The following CLASP1 variants were observed in gnomAD, a reference collection of about 807,000 sequenced individuals.
The protein encoded by CLASP1 is cytoplasmic linker associated protein 1, also known as CLIP-associating protein 1.
CLASP1 carries 38 observed loss-of-function variants against 192.3 expected under a neutral mutation model. The observed-to-expected ratio is 0.20, with a 90% CI of 0.15 to 0.26. CLASP1 has a LOEUF of 0.26. Ranked by LOEUF, CLASP1 falls within the 10% of genes least tolerant of loss-of-function variation. CLASP1 has a pLI of 1.00. For synonymous variants in CLASP1, 691 were observed against 712.8 expected (o/e 0.97, Z 0.49); for missense variants, 1,433 against 1,932.5 (o/e 0.74, Z 4.85).
At chr2:121,522,697 T>C (rs1559508001) in intron 6 of CLASP1, among the ~76,000 whole-genome samples, 1 of 152,226 alleles carries the variant, frequency 6.6e-6, no homozygotes, top group Non-Finnish European at 1.5e-5. Flanking sequence ...ACCTGATTTT[T>C]GGTAGTGAAA....
chr2:121,356,237 G>T (rs2065360110), intron 37 of CLASP1, among the ~76,000 whole-genome samples: 1 of 152,192 alleles, frequency 6.6e-6, no homozygotes, highest in South Asian at 2.1e-4. Context: ...TCGTGTGGAA[G>T]CTAAGGAAGA....
At chr2:121,346,632 A>T (rs577937319) in intron 39 of CLASP1, among the ~76,000 whole-genome samples, 3 of 152,238 alleles carry the variant, frequency 2.0e-5, no homozygotes, top group African/African-American at 7.2e-5. Context: ...GCTGCCCTGT[A>T]GGCTCAAGGT....
Position 121,477,200 on chromosome 2 carries a change from C to A in CLASP1, c.713-7240G>T, listed in dbSNP as rs571631286. Reference sequence around the variant, plus strand: ...TCTAGAACAGAGTCTGGGCCAACACCCAGTAGACATTCAGAAAAATTTAAT... The same window carrying A: ...TCTAGAACAGAGTCTGGGCCAACACACAGTAGACATTCAGAAAAATTTAAT... On this transcript the variant is annotated intron_variant, in intron 8 of 39. Coordinates refer to ENST00000263710, the Ensembl canonical transcript of CLASP1. Among the ~76,000 whole-genome samples the A allele has an allele frequency of 8.5e-5, 13 of 152,256 alleles. No homozygotes were observed. In the East Asian group the frequency reaches 2.5e-3, roughly 29 times the overall value.
intron 8 of CLASP1, among the ~76,000 whole-genome samples, chr2:121,478,741 C>CCCACACACA (rs2092055426): frequency 3.9e-5 from 2 of 51,366 alleles, no homozygotes; most frequent in South Asian, 6.2e-4. Flanking sequence ...ACACACACAC[C>CCCACACACA]CCACACACAC....
At position 121,600,089 on chromosome 2, in the gene CLASP1, A is replaced by G. The variant is rs560804792; in HGVS notation, c.195+5612T>C. On this transcript the variant is annotated intron_variant, in intron 2 of 39. Transcript: ENST00000263710. Reference sequence around the variant, plus strand: ...AAAAATCTTGACTTATAATTAAGAAAAAAAGGGAAGCAGGATCTAAAAGGT... The same window carrying G: ...AAAAATCTTGACTTATAATTAAGAAGAAAAGGGAAGCAGGATCTAAAAGGT... 2.0e-3 allele frequency among the ~76,000 whole-genome samples: 312 copies of G among 152,306 alleles called. 1 individual carries two copies. Among genetic ancestry groups the G allele is most frequent in the African/African-American group, 6.0e-3 (249 of 41,562 alleles).
intron 19 of CLASP1, among the ~76,000 whole-genome samples, chr2:121,437,739 G>T (rs570948131): frequency 6.6e-6 from 1 of 152,254 alleles, no homozygotes; most frequent in South Asian, 2.1e-4. Context: ...TCTTAAATAG[G>T]CTTGGGCTTT....
At chr2:121,405,521 T>C (rs1405168286) in intron 25 of CLASP1, among the ~76,000 whole-genome samples, 2 of 152,208 alleles carry the variant, frequency 1.3e-5, no homozygotes, top group South Asian at 2.1e-4. Flanking sequence ...CCAAGTCCCA[T>C]GTTTAAAGTT....
At chr2:121,622,542 G>A (rs570791973) in intron 1 of CLASP1, among the ~76,000 whole-genome samples, 4 of 150,194 alleles carry the variant, frequency 2.7e-5, no homozygotes, top group South Asian at 2.1e-4. Context: ...GCACTCCAGC[G>A]TGGGCGACGA....
At position 121,453,025 on chromosome 2, in the gene CLASP1, G is replaced by A. The variant is rs899231810; in HGVS notation, c.1386-1176C>T. 4.6e-5 allele frequency among the ~76,000 whole-genome samples: 7 copies of A among 152,030 alleles called. No individual in the cohort carries two copies. The South Asian group carries it at 8.3e-4, about 18-fold the overall frequency. On this transcript the variant is annotated intron_variant, in intron 14 of 39. Transcript: ENST00000263710. ...ATCAAGGCTGGGAGCAGCGGCTCAC[G>A]CCTGTAATCCCAGCACTTTGGGAGG...
At chr2:121,416,206 C>T (rs2149539137) in intron 23 of CLASP1, among the ~76,000 whole-genome samples, 1 of 152,304 alleles carries the variant, frequency 6.6e-6, no homozygotes, top group Middle Eastern at 3.4e-3. Flanking sequence ...TCCTCTGTCA[C>T]ATTCACAAGT....
intron 2 of CLASP1, among the ~76,000 whole-genome samples, chr2:121,575,063 AAAG>A (rs2060371213): frequency 6.6e-6 from 1 of 152,198 alleles, no homozygotes; most frequent in African/African-American, 2.4e-5. Context: ...TACATATTTC[AAAG>A]CATCATGTTG....
intron 8 of CLASP1, chr2:121,470,500 T>G (rs888275289): frequency 1.2e-4 from 45 of 368,094 alleles, no homozygotes; most frequent in Non-Finnish European, 1.6e-5. Flanking sequence ...TCCTCTGTGA[T>G]GAAATATTTT....
At chr2:121,348,229 G>A (rs1028645098) in intron 38 of CLASP1, among the ~76,000 whole-genome samples, 2 of 152,194 alleles carry the variant, frequency 1.3e-5, no homozygotes, top group African/African-American at 2.4e-5. Flanking sequence ...ATAAGGGTTT[G>A]TTGAAAGAAT....
chr2:121,401,246 G>T (rs1177068398), intron 28 of CLASP1, among the ~76,000 whole-genome samples: 2 of 152,118 alleles, frequency 1.3e-5, no homozygotes, highest in Non-Finnish European at 2.9e-5. Flanking sequence ...AATGAGAAGA[G>T]AATCAATTTC....
intron 30 of CLASP1, among the ~76,000 whole-genome samples, chr2:121,394,983 T>C (rs1249312771): frequency 6.6e-6 from 1 of 152,210 alleles, no homozygotes; most frequent in East Asian, 1.9e-4. Flanking sequence ...TATTTCTTCA[T>C]GTATTCTCCC....
chr2:121,618,920 T>G (rs1205589899), intron 1 of CLASP1, among the ~76,000 whole-genome samples: 1 of 152,224 alleles, frequency 6.6e-6, no homozygotes, highest in East Asian at 1.9e-4. Context: ...CAGGGAAATC[T>G]ATACAAGTCA....
chr2:121,635,848 T>C (rs1482443830), intron 1 of CLASP1, among the ~76,000 whole-genome samples: 1 of 152,208 alleles, frequency 6.6e-6, no homozygotes, highest in African/African-American at 2.4e-5. Context: ...CAAAATAACC[T>C]CTAAAATGAG....
intron 37 of CLASP1, among the ~76,000 whole-genome samples, chr2:121,359,095 CACTG>C (rs971960014): frequency 3.3e-5 from 5 of 152,220 alleles, no homozygotes; most frequent in South Asian, 2.1e-4. Flanking sequence ...ATGCACATCA[CACTG>C]ACTGGCAGCA....
At chr2:121,445,780 G>A (rs978033857) in intron 19 of CLASP1, among the ~76,000 whole-genome samples, 7 of 152,156 alleles carry the variant, frequency 4.6e-5, no homozygotes, top group Admixed American at 2.0e-4. Context: ...ACCAAAAGAC[G>A]TGAGGGCTTT....
Sources: allele counts gnomAD v4.1 joint callset (sites outside exome capture counted in the v4.1 genomes callset), GRCh38; gene constraint gnomAD v4.1.1; transcripts MANE v1.5; gene names NCBI Gene and HGNC (gene_info 2026-07-23, HGNC 2026-07-21).